ELP4: variants seen among roughly 807,000 people sequenced by gnomAD.
ELP4 encodes elongator acetyltransferase complex subunit 4, also known as elongator complex protein 4.
A neutral mutation model predicts 48.9 loss-of-function variants in ELP4; 51 were observed. The ratio of observed to expected loss-of-function variants is 1.04; its 90% CI spans 0.83 to 1.32. The LOEUF (loss-of-function observed/expected upper bound fraction) is 1.32. ELP4 is among the 40% of genes most tolerant of loss of function. The probability of loss-of-function intolerance (pLI) is 0.00; values close to 1 mark genes in which losing one functional copy is unlikely to be tolerated. For synonymous variants in ELP4, 210 were observed against 189.2 expected (o/e 1.11, Z -0.90); for missense variants, 519 against 514.6 (o/e 1.01, Z -0.08).
chr11:31,769,197 G>A (rs1430834419), intron 9 of ELP4, among the ~76,000 whole-genome samples: 2 of 152,078 alleles, frequency 1.3e-5, no homozygotes, highest in Admixed American at 1.3e-4. Context: ...AATGCTGCCA[G>A]GATGTTTTAC....
chr11:31,620,744 T>G (rs1944602893), intron 5 of ELP4, among the ~76,000 whole-genome samples: 1 of 151,930 alleles, frequency 6.6e-6, no homozygotes, highest in Admixed American at 6.6e-5. Flanking sequence ...TGAAGGATCA[T>G]AACCCCTCTT....
At chr11:31,665,172 C>G (rs1457939009) in intron 9 of ELP4, among the ~76,000 whole-genome samples, 3 of 152,080 alleles carry the variant, frequency 2.0e-5, no homozygotes, top group African/African-American at 7.2e-5. Flanking sequence ...TCAACCAAAC[C>G]ACCCTATGAC....
intron 3 of ELP4, among the ~76,000 whole-genome samples, chr11:31,591,434 G>T (rs995207416): frequency 3.0e-4 from 18 of 60,334 alleles, no homozygotes; most frequent in Middle Eastern, 0.012. Flanking sequence ...GGGGGGGGGG[G>T]GTATAAAACC....
At chr11:31,711,332 C>T (rs927290321) in intron 9 of ELP4, among the ~76,000 whole-genome samples, 36 of 152,206 alleles carry the variant, frequency 2.4e-4, no homozygotes, top group African/African-American at 7.7e-4. Context: ...GACAAATAAA[C>T]GTTTCAAAAG....
At chr11:31,546,675 A>C (rs2133919114) in intron 3 of ELP4, among the ~76,000 whole-genome samples, 1 of 152,248 alleles carries the variant, frequency 6.6e-6, no homozygotes, top group Middle Eastern at 3.4e-3. Context: ...AAATCAACAG[A>C]ATATACATTT....
chr11:31,746,420 T>C (rs1314299736), intron 9 of ELP4, among the ~76,000 whole-genome samples: 1 of 152,204 alleles, frequency 6.6e-6, no homozygotes, highest in African/African-American at 2.4e-5. Flanking sequence ...ATCATGCTGC[T>C]ATAAAGACAC....
rs758601497 is a variant in ELP4, at chr11:31,785,176, C to A, written c.*1652C>A. 1.1e-5 allele frequency: 2 copies of A among 183,076 alleles called. No homozygotes were observed. The highest frequency in any genetic ancestry group is 2.3e-5 in the Non-Finnish European group (2 of 86,094). 11.3% of individuals were successfully genotyped at this position (183,076 alleles called of 1,614,324 possible). ...TCCATAGATAATAAATAATGTTGTG[C>A]GGATACTCCACAAAAGCTCTGCTAT... On this transcript the variant is annotated 3_prime_UTR_variant, in exon 10 of 10. Transcript: ENST00000640961.
chr11:31,590,926 A>G (rs755765443), intron 3 of ELP4, among the ~76,000 whole-genome samples: 2 of 152,154 alleles, frequency 1.3e-5, no homozygotes, highest in Non-Finnish European at 2.9e-5. Flanking sequence ...TCAATATGAG[A>G]TTTGGATGGA....
intron 4 of ELP4, among the ~76,000 whole-genome samples, chr11:31,598,503 C>CTTTTTTTTTTTTTTTTTTTT (rs10702222): frequency 6.4e-5 from 5 of 77,738 alleles, no homozygotes; most frequent in Non-Finnish European, 9.0e-5. Context: ...TTTTCTTCTT[C>CTTTTTTTTTTTTTTTTTTTT]TTTTTTTTTT....
At chr11:31,716,941 C>A (rs1200283115) in intron 9 of ELP4, among the ~76,000 whole-genome samples, 1 of 152,134 alleles carries the variant, frequency 6.6e-6, no homozygotes, top group Non-Finnish European at 1.5e-5. Context: ...AGGACTTGAA[C>A]TAGGACTAGA....
intron 4 of ELP4, chr11:31,600,667 T>C (rs906109619): frequency 6.6e-6 from 1 of 152,180 alleles, no homozygotes; most frequent in Non-Finnish European, 1.5e-5. Context: ...CATTAGAGTC[T>C]CACAACAGCC....
intron 9 of ELP4, among the ~76,000 whole-genome samples, chr11:31,702,108 A>G (rs1946536332): frequency 6.6e-6 from 1 of 152,068 alleles, no homozygotes; most frequent in Non-Finnish European, 1.5e-5. Context: ...AGATGGAAAG[A>G]CTTTAAGCAC....
intron 3 of ELP4, among the ~76,000 whole-genome samples, chr11:31,560,236 G>A (rs2133940665): frequency 6.6e-6 from 1 of 152,116 alleles, no homozygotes; most frequent in East Asian, 1.9e-4. Context: ...TGAAGCTTTA[G>A]ACTACTTCTT....
rs188247192 is a variant in ELP4, at chr11:31,666,432, G to A, written c.1143+16211G>A. Among the ~76,000 whole-genome samples the A allele has an allele frequency of 3.0e-4, 46 of 152,158 alleles. 1 individual carries two copies. In the East Asian group the frequency reaches 7.0e-3, roughly 23 times the overall value. On this transcript the variant is annotated intron_variant, in intron 9 of 9. Transcript: ENST00000640961. The stretch of plus-strand genomic sequence containing the variant: ...TTGTAGGCTGGGTGCAGTCGCTCAC[G>A]CCTGTAATCCCAGCACTTTGGGAGG...
chr11:31,629,384 A>G (rs1944812250), intron 6 of ELP4, among the ~76,000 whole-genome samples: 1 of 152,042 alleles, frequency 6.6e-6, no homozygotes, highest in South Asian at 2.1e-4. Flanking sequence ...CAAGAGATTT[A>G]TAGTTCAGCC....
intron 9 of ELP4, among the ~76,000 whole-genome samples, chr11:31,684,509 A>C (rs1311977703): frequency 2.6e-5 from 4 of 152,204 alleles, no homozygotes; most frequent in East Asian, 1.9e-4. Context: ...ACCCAGCCCC[A>C]AAAAATAATA....
At chr11:31,632,652 C>T in intron 7 of ELP4, 1 of 345,384 alleles carries the variant, frequency 2.9e-6, no homozygotes, top group Admixed American at 4.5e-5. Context: ...CTATGACTTG[C>T]TTTTTCTATT....
intron 3 of ELP4, among the ~76,000 whole-genome samples, chr11:31,564,807 T>A (rs1374243727): frequency 6.6e-6 from 1 of 152,206 alleles, no homozygotes; most frequent in Non-Finnish European, 1.5e-5. Flanking sequence ...GTTCCAAGTC[T>A]TTGCTATTGT....
intron 9 of ELP4, among the ~76,000 whole-genome samples, chr11:31,695,376 G>A (rs1174673210): frequency 6.6e-6 from 1 of 152,134 alleles, no homozygotes; most frequent in Non-Finnish European, 1.5e-5. Context: ...AACGGCTGCT[G>A]AATTTTTTCG....
Sources: gnomAD v4.1 joint callset for allele counts (sites outside exome capture counted in the v4.1 genomes callset) on GRCh38, gnomAD v4.1.1 for gene constraint, MANE v1.5 for transcripts, NCBI Gene and HGNC (gene_info 2026-07-23, HGNC 2026-07-21) for gene names.